CCR7: variants seen among roughly 807,000 people sequenced by gnomAD.
CCR7 encodes C-C chemokine receptor type 7.
CCR7 carries 11 observed loss-of-function variants against 26.0 expected under a neutral mutation model. The ratio of observed to expected loss-of-function variants is 0.42; its 90% CI spans 0.27 to 0.70. CCR7 has a LOEUF of 0.70. Among genes scored for constraint, CCR7 ranks in the 30% least tolerant of loss-of-function variants. The pLI, the probability that CCR7 is intolerant of heterozygous loss-of-function variation, is 0.23. For missense variants in CCR7, 360 were observed against 504.0 expected (o/e 0.71, Z 2.74); for synonymous variants, 189 against 202.1 (o/e 0.94, Z 0.55).
intron 1 of CCR7, among the ~76,000 whole-genome samples, chr17:40,561,655 T>C (rs1455216578): frequency 1.3e-5 from 2 of 152,276 alleles, no homozygotes; most frequent in African/African-American, 4.8e-5. Flanking sequence ...CTCCAAACCA[T>C]GAACTTCCAT....
At chr17:40,563,887 G>A (rs1318525142) in intron 1 of CCR7, among the ~76,000 whole-genome samples, 1 of 152,114 alleles carries the variant, frequency 6.6e-6, no homozygotes, top group Admixed American at 6.5e-5. Flanking sequence ...CAGGGTGGGA[G>A]AATTTACACC....
chr17:40,558,521 G>C (rs538135475), intron 2 of CCR7, among the ~76,000 whole-genome samples: 123 of 152,208 alleles, frequency 8.1e-4, no homozygotes, highest in Non-Finnish European at 1.5e-3. Context: ...CCAGATCCAG[G>C]GTGATTTTCT....
intron 2 of CCR7, 61 bp downstream of exon 2, chr17:40,558,832 C>T: frequency 2.0e-6 from 3 of 1,478,278 alleles, no homozygotes. Flanking sequence ...CTCCACTAAA[C>T]CCCTGACTTG....
chr17:40,562,489 A>G (rs2036665846), intron 1 of CCR7, among the ~76,000 whole-genome samples: 1 of 152,104 alleles, frequency 6.6e-6, no homozygotes, highest in Non-Finnish European at 1.5e-5. Context: ...CCGGCCCCCA[A>G]AAGAGCCGGC....
At chr17:40,560,498 G>A (rs1427639399) in intron 1 of CCR7, among the ~76,000 whole-genome samples, 1 of 152,242 alleles carries the variant, frequency 6.6e-6, no homozygotes, top group Non-Finnish European at 1.5e-5. Context: ...GTTGGTTAAT[G>A]TGTTCCCCGG....
At chr17:40,556,447 T>A (rs2036588246) in intron 2 of CCR7, among the ~76,000 whole-genome samples, 1 of 152,198 alleles carries the variant, frequency 6.6e-6, no homozygotes, top group African/African-American at 2.4e-5. Context: ...TCTGAGAGAC[T>A]CTACATGTGC....
Position 40,558,639 on chromosome 17 carries a change from G to A in CCR7, c.60+254C>T, listed in dbSNP as rs2036618508. Among the ~76,000 whole-genome samples the A allele has an allele frequency of 2.6e-5, 4 of 152,300 alleles. No homozygotes were observed. The South Asian group carries it at 8.3e-4, about 32-fold the overall frequency. ...TCTCCTGGGCAGGGAGATTGGAGGT[G>A]GGATAGGGAAGGTGGTAAGTTATTT... On this transcript the variant is annotated intron_variant, in intron 2 of 2. Coordinates refer to ENST00000246657, the MANE Select transcript of CCR7 (RefSeq NM_001838.4).
chr17:40,564,402 G>T (rs1185512707), intron 1 of CCR7, among the ~76,000 whole-genome samples: 1 of 152,186 alleles, frequency 6.6e-6, no homozygotes, highest in East Asian at 1.9e-4. Flanking sequence ...TGGCGAGGAG[G>T]GGTGTGAGGA....
chr17:40,558,827 C>T (rs1737512523), intron 2 of CCR7, 66 bp downstream of exon 2: 10 of 1,452,164 alleles, frequency 6.9e-6, no homozygotes, highest in Non-Finnish European at 8.7e-6. Flanking sequence ...AGCTCCTCCA[C>T]TAAACCCCTG....
At chr17:40,556,410 A>G (rs1835323651) in intron 2 of CCR7, among the ~76,000 whole-genome samples, 1 of 152,214 alleles carries the variant, frequency 6.6e-6, no homozygotes, top group Admixed American at 6.5e-5. Context: ...TTCTGCTAGT[A>G]AGTAGCAAGT....
At chr17:40,560,906 CT>C in intron 1 of CCR7, 1 of 152,434 alleles carries the variant, frequency 6.6e-6, no homozygotes, top group Non-Finnish European at 1.5e-5. Flanking sequence ...GCTCATTCCC[CT>C]TTTTCACTGA....
In CCR7 at chr17:40,554,118, G is replaced by A. The variant is rs2036547561; in HGVS notation, c.*624C>T. On this transcript the variant is annotated 3_prime_UTR_variant, in exon 3 of 3. Transcript: ENST00000246657. Reference sequence around the variant, plus strand: ...GAAACACCACACTCTCCCCTGTTGAGAGCCTGGGAGGGCGACGCGGCAAGT... The same window carrying A: ...GAAACACCACACTCTCCCCTGTTGAAAGCCTGGGAGGGCGACGCGGCAAGT... 6.5e-6 allele frequency: 1 copy of A among 152,716 alleles called. No homozygotes were observed. The highest frequency in any genetic ancestry group is 1.9e-4 in the East Asian group (1 of 5,188). 9.5% of individuals were successfully genotyped at this position (152,716 alleles called of 1,614,324 possible).
chr17:40,560,490 T>TGGTTAATGTGTTCCCC (rs1269018982), intron 1 of CCR7, among the ~76,000 whole-genome samples: 62 of 152,230 alleles, frequency 4.1e-4, no homozygotes, highest in African/African-American at 1.4e-3. Context: ...AGGTTGCAGT[T>TGGTTAATGTGTTCCCC]GGTTAATGTG....
In CCR7 at chr17:40,554,575, G is replaced by C; in HGVS notation, c.*167C>G. 1.5e-6 allele frequency: 1 copy of C among 660,384 alleles called. No individual in the cohort carries two copies. 40.9% of individuals were successfully genotyped at this position (660,384 alleles called of 1,614,324 possible). A position where few individuals can be genotyped will look rare whatever the true frequency, so the allele number is the denominator to read the frequency against. On this transcript the variant is annotated 3_prime_UTR_variant, in exon 3 of 3. Coordinates refer to ENST00000246657, the MANE Select transcript of CCR7 (RefSeq NM_001838.4). ...TTTTGGCATTGGTTGAGGTAGCTGG[G>C]ATTGGGGTGAAGCTATCTTCTGGAG...
intron 1 of CCR7, among the ~76,000 whole-genome samples, chr17:40,560,127 C>G (rs1419529577): frequency 6.6e-6 from 1 of 152,122 alleles, no homozygotes; most frequent in Non-Finnish European, 1.5e-5. Flanking sequence ...TGTGGCTGAG[C>G]CTGGGGCCCA....
At chr17:40,561,590 C>T (rs1210887301) in intron 1 of CCR7, among the ~76,000 whole-genome samples, 3 of 152,142 alleles carry the variant, frequency 2.0e-5, no homozygotes, top group Non-Finnish European at 4.4e-5. Context: ...ACCGGAGCCC[C>T]CAACATGAGA....
In CCR7 at chr17:40,553,846, G is replaced by A. The variant is rs532396699; in HGVS notation, c.*896C>T. On this transcript the variant is annotated 3_prime_UTR_variant, in exon 3 of 3. Transcript: ENST00000246657. ...CCTCAAGGGAAAACTTTATCTGTGT[G>A]TGGGTAAAATGTTGCTCTCTTAACG... 7.5e-4 allele frequency: 114 copies of A among 152,292 alleles called. No homozygotes were observed. Among genetic ancestry groups the A allele is most frequent in the African/African-American group, 2.6e-3 (110 of 41,564 alleles). 9.4% of individuals were successfully genotyped at this position (152,292 alleles called of 1,614,324 possible). A position where few individuals can be genotyped will look rare whatever the true frequency, so the allele number is the denominator to read the frequency against.
intron 1 of CCR7, 73 bp downstream of exon 1, chr17:40,565,327 C>A: frequency 7.6e-7 from 1 of 1,313,158 alleles, no homozygotes; most frequent in Admixed American, 1.7e-5. Context: ...ATCCTCCACC[C>A]CCATTCCACA....
rs2036556146 is a variant in CCR7 at position 40,554,582 on chromosome 17, G to T, written c.*160C>A. ...ATTGGTTGAGGTAGCTGGGATTGGG[G>T]TGAAGCTATCTTCTGGAGCAGGGGC... On this transcript the variant is annotated 3_prime_UTR_variant, in exon 3 of 3. Coordinates refer to ENST00000246657, the MANE Select transcript of CCR7 (RefSeq NM_001838.4). 1 of 669,904 alleles carries T rather than the reference G, an allele frequency of 1.5e-6. No homozygotes were observed. Among genetic ancestry groups the T allele is most frequent in the East Asian group, 2.5e-5 (1 of 40,016 alleles). The allele number at this position is 669,904 out of a possible 1,614,324, so 41.5% of individuals were successfully genotyped here.
Sources: allele counts gnomAD v4.1 joint callset (sites outside exome capture counted in the v4.1 genomes callset), GRCh38; gene constraint gnomAD v4.1.1; transcripts MANE v1.5; gene names NCBI Gene and HGNC (gene_info 2026-07-23, HGNC 2026-07-21).